RBFOX1: variants seen among roughly 807,000 people sequenced by gnomAD.
RBFOX1 encodes the protein RNA binding fox-1 homolog 1, also known as RNA binding protein fox-1 homolog 1.
Under a neutral mutation model 57.7 loss-of-function variants are expected in RBFOX1, and 8 were observed. That is an observed-to-expected ratio of 0.14 (90% CI 0.08 to 0.25). The LOEUF (loss-of-function observed/expected upper bound fraction) is 0.25. Among genes scored for constraint, RBFOX1 ranks in the 10% least tolerant of loss-of-function variants. RBFOX1 has a pLI of 1.00. For synonymous variants in RBFOX1, 326 were observed against 222.4 expected (o/e 1.47, Z -4.15); for missense variants, 611 against 548.5 (o/e 1.11, Z -1.14).
chr16:7,499,951 G>T (rs925488884), intron 4 of RBFOX1, among the ~76,000 whole-genome samples: 1 of 151,822 alleles, frequency 6.6e-6, no homozygotes, highest in African/African-American at 2.4e-5. Context: ...TACCAATAAG[G>T]GAAACATCTT....
intron 4 of RBFOX1, among the ~76,000 whole-genome samples, chr16:7,441,465 G>A (rs2098765996): frequency 1.3e-5 from 2 of 152,160 alleles, no homozygotes; most frequent in African/African-American, 4.8e-5. Flanking sequence ...GGGATTCATG[G>A]ATGTGCCAGC....
chr16:6,868,527 G>A (rs1020813253), intron 3 of RBFOX1, among the ~76,000 whole-genome samples: 1 of 151,900 alleles, frequency 6.6e-6, no homozygotes, highest in South Asian at 2.1e-4. Flanking sequence ...GCTGGAGTGC[G>A]GTAGTATGAT....
chr16:6,028,714 G>A lies in RBFOX1; in HGVS notation c.-127+8722G>A, dbSNP rs1006352688. Among the ~76,000 whole-genome samples, 3 of 152,030 alleles carry A rather than the reference G, an allele frequency of 2.0e-5. 1 individual carries two copies. The highest frequency in any genetic ancestry group is 7.2e-5 in the African/African-American group (3 of 41,406). On this transcript the variant is annotated intron_variant, in intron 1 of 15. Coordinates refer to ENST00000550418, the MANE Select transcript of RBFOX1 (RefSeq NM_018723.4). ...AAGAACATGAAGCTCTTTGTAGAAAGATTTCTCATTTCTGATTTGGAGAGA... is the reference window on the plus strand; with the variant it reads ...AAGAACATGAAGCTCTTTGTAGAAAAATTTCTCATTTCTGATTTGGAGAGA...
At chr16:7,376,125 T>C (rs1480976946) in intron 4 of RBFOX1, among the ~76,000 whole-genome samples, 1 of 152,216 alleles carries the variant, frequency 6.6e-6, no homozygotes, top group Non-Finnish European at 1.5e-5. Context: ...CAAGAAATAA[T>C]ACAAATATTT....
At chr16:5,421,045 C>G (rs988809752) in intron 1 of RBFOX1, among the ~76,000 whole-genome samples, 1 of 151,058 alleles carries the variant, frequency 6.6e-6, no homozygotes, top group Non-Finnish European at 1.5e-5. Flanking sequence ...CTTGCTTTGT[C>G]ACCTAGGCTG....
intron 3 of RBFOX1, among the ~76,000 whole-genome samples, chr16:6,890,043 C>A (rs2065045559): frequency 6.6e-6 from 1 of 152,112 alleles, no homozygotes; most frequent in African/African-American, 2.4e-5. Context: ...CCCACTTATA[C>A]TAGAAGTTGA....
chr16:6,190,620 T>G (rs1036819303), intron 1 of RBFOX1, among the ~76,000 whole-genome samples: 1 of 152,206 alleles, frequency 6.6e-6, no homozygotes, highest in African/African-American at 2.4e-5. Flanking sequence ...GATGGTACTA[T>G]TATTATTTGC....
At chr16:6,897,700 G>C (rs775430905) in intron 3 of RBFOX1, among the ~76,000 whole-genome samples, 5 of 152,060 alleles carry the variant, frequency 3.3e-5, no homozygotes, top group Admixed American at 6.6e-5. Flanking sequence ...GCCTGAGGCA[G>C]GACAGTTGCT....
At chr16:6,237,663 C>T (rs925664161) in intron 1 of RBFOX1, among the ~76,000 whole-genome samples, 1 of 151,032 alleles carries the variant, frequency 6.6e-6, no homozygotes, top group African/African-American at 2.4e-5. Context: ...ATTGTTTGAA[C>T]CAGGGAGATG....
At chr16:5,756,240 A>AC (rs1381430362) in intron 3 of RBFOX1, among the ~76,000 whole-genome samples, 3 of 151,202 alleles carry the variant, frequency 2.0e-5, no homozygotes, top group African/African-American at 2.4e-5. Flanking sequence ...AAAAAAAAAA[A>AC]AAAAAAAACC....
At chr16:6,012,461 G>A (rs1437654424) in intron 4 of RBFOX1, among the ~76,000 whole-genome samples, 4 of 152,180 alleles carry the variant, frequency 2.6e-5, no homozygotes, top group African/African-American at 9.7e-5. Flanking sequence ...GTACACATTT[G>A]GGAGGAGTAC....
intron 3 of RBFOX1, among the ~76,000 whole-genome samples, chr16:6,863,381 T>C (rs929685683): frequency 2.0e-5 from 3 of 152,074 alleles, no homozygotes; most frequent in Non-Finnish European, 4.4e-5. Context: ...CAAGAATGTA[T>C]GGCTAAAGAT....
chr16:7,550,546 C>T (rs1449709493), intron 5 of RBFOX1, among the ~76,000 whole-genome samples: 1 of 152,148 alleles, frequency 6.6e-6, no homozygotes, highest in Admixed American at 6.6e-5. Context: ...TACAGGGCAT[C>T]TTATATTAGT....
At chr16:5,790,821 C>T (rs955830140) in intron 3 of RBFOX1, among the ~76,000 whole-genome samples, 2 of 151,828 alleles carry the variant, frequency 1.3e-5, no homozygotes, top group African/African-American at 4.8e-5. Flanking sequence ...GCTCTTGTGG[C>T]CCTCTGCCCG....
chr16:7,412,006 A>T (rs1359911718), intron 4 of RBFOX1, among the ~76,000 whole-genome samples: 2 of 151,930 alleles, frequency 1.3e-5, no homozygotes, highest in Non-Finnish European at 2.9e-5. Flanking sequence ...GGTGTCTCAG[A>T]TGGGATCCTG....
At chr16:7,260,295 C>T (rs920386645) in intron 4 of RBFOX1, among the ~76,000 whole-genome samples, 9 of 152,276 alleles carry the variant, frequency 5.9e-5, no homozygotes, top group Admixed American at 3.3e-4. Flanking sequence ...AGACATGCTT[C>T]ACTTTTGGTT....
At chr16:6,507,941 T>C (rs1442038423) in intron 2 of RBFOX1, among the ~76,000 whole-genome samples, 1 of 152,030 alleles carries the variant, frequency 6.6e-6, no homozygotes. Context: ...CTTTTCACAA[T>C]AGCAAAGACA....
intron 4 of RBFOX1, among the ~76,000 whole-genome samples, chr16:7,476,731 G>C (rs1196080285): frequency 6.6e-6 from 1 of 152,156 alleles, no homozygotes; most frequent in Non-Finnish European, 1.5e-5. Flanking sequence ...GCATTGCTCT[G>C]TATCCTTGCA....
chr16:6,447,978 G>GTC (rs3066907), intron 2 of RBFOX1, among the ~76,000 whole-genome samples: 1 of 150,846 alleles, frequency 6.6e-6, no homozygotes, highest in African/African-American at 2.4e-5. Context: ...TCAGACAAGA[G>GTC]TCTCTCTCTC....
Sources: gnomAD v4.1 joint callset for allele counts (sites outside exome capture counted in the v4.1 genomes callset) on GRCh38, gnomAD v4.1.1 for gene constraint, MANE v1.5 for transcripts, NCBI Gene and HGNC (gene_info 2026-07-23, HGNC 2026-07-21) for gene names.